The following EPB41L2 variants were observed in gnomAD, a reference collection of about 807,000 sequenced individuals.
EPB41L2 encodes the protein erythrocyte membrane protein band 4.1 like 2.
In EPB41L2, 43 loss-of-function variants were observed where a neutral mutation model predicts 113.0. That is an observed-to-expected ratio of 0.38 (90% CI 0.30 to 0.49). The LOEUF is 0.49. Among genes scored for constraint, EPB41L2 ranks in the 20% least tolerant of loss-of-function variants. EPB41L2 has a pLI of 0.95. For synonymous variants in EPB41L2, 442 were observed against 436.7 expected, an observed-to-expected ratio of 1.01 and a Z score of -0.15; for missense variants, 1,147 against 1,223.4, an observed-to-expected ratio of 0.94 and a Z score of 0.93.
intron 1 of EPB41L2, among the ~76,000 whole-genome samples, chr6:130,964,344 G>C (rs557798485): frequency 6.6e-6 from 1 of 152,112 alleles, no homozygotes; most frequent in Non-Finnish European, 1.5e-5. Flanking sequence ...CTTTCTGTGA[G>C]AAGTTACCTA....
At chr6:130,924,061 T>C (rs1316274730) in intron 4 of EPB41L2, among the ~76,000 whole-genome samples, 1 of 152,206 alleles carries the variant, frequency 6.6e-6, no homozygotes, top group Non-Finnish European at 1.5e-5. Flanking sequence ...CTCATATAAG[T>C]GGAATCCTAT....
chr6:130,955,048 T>A, intron 3 of EPB41L2, 57 bp downstream of exon 3: 1 of 1,485,638 alleles, frequency 6.7e-7, no homozygotes, highest in East Asian at 2.3e-5. Context: ...AATCTATTCA[T>A]CATGCCATGC....
chr6:130,927,249 C>T (rs974457968), intron 3 of EPB41L2, among the ~76,000 whole-genome samples: 61 of 152,076 alleles, frequency 4.0e-4, no homozygotes, highest in Middle Eastern at 3.4e-3. Flanking sequence ...GTGTTCGCTC[C>T]TTGGGATAAA....
intron 14 of EPB41L2, among the ~76,000 whole-genome samples, chr6:130,876,226 A>G (rs1787522734): frequency 6.6e-6 from 1 of 152,204 alleles, no homozygotes; most frequent in South Asian, 2.1e-4. Context: ...GCTATGGTGC[A>G]TCAAAATCTT....
chr6:130,960,172 T>A, intron 1 of EPB41L2, among the ~76,000 whole-genome samples: 1 of 152,124 alleles, frequency 6.6e-6, no homozygotes, highest in East Asian at 1.9e-4. Flanking sequence ...ATACCTTCCC[T>A]CACACACACT....
intron 19 of EPB41L2, among the ~76,000 whole-genome samples, chr6:130,856,615 C>T (rs1219938291): frequency 6.6e-6 from 1 of 152,228 alleles, no homozygotes; most frequent in East Asian, 1.9e-4. Flanking sequence ...GATGCAACAG[C>T]AGGTGGCTGT....
At chr6:130,893,282 T>C (rs1349831716) in intron 10 of EPB41L2, among the ~76,000 whole-genome samples, 1 of 151,918 alleles carries the variant, frequency 6.6e-6, no homozygotes, top group East Asian at 1.9e-4. Context: ...AGGCACAAAA[T>C]GAGGGATCAA....
At chr6:131,012,684 TAAAGC>T (rs1261360497) in intron 1 of EPB41L2, among the ~76,000 whole-genome samples, 1 of 151,832 alleles carries the variant, frequency 6.6e-6, no homozygotes, top group Admixed American at 6.6e-5. Flanking sequence ...TCCAACAAAG[TAAAGC>T]AAAGCAAAGT....
chr6:131,035,247 T>C (rs1391883230), intron 1 of EPB41L2, among the ~76,000 whole-genome samples: 1 of 152,190 alleles, frequency 6.6e-6, no homozygotes, highest in East Asian at 1.9e-4. Context: ...GCAATGACAA[T>C]GGCAACTGAG....
chr6:131,026,642 T>C (rs999990242), intron 1 of EPB41L2, among the ~76,000 whole-genome samples: 1 of 152,206 alleles, frequency 6.6e-6, no homozygotes, highest in Non-Finnish European at 1.5e-5. Flanking sequence ...CCATCTTTCC[T>C]GGTATACACC....
chr6:130,934,250 A>C (rs1419122488), intron 3 of EPB41L2, among the ~76,000 whole-genome samples: 1 of 152,210 alleles, frequency 6.6e-6, no homozygotes, highest in Non-Finnish European at 1.5e-5. Flanking sequence ...CCCCAGGAAA[A>C]AGAAACCCTG....
intron 1 of EPB41L2, among the ~76,000 whole-genome samples, chr6:131,006,651 G>A (rs1785615168): frequency 6.9e-6 from 1 of 144,706 alleles, no homozygotes; most frequent in Non-Finnish European, 1.5e-5. Context: ...CTGGGTGACG[G>A]ACTGAGACTC....
intron 19 of EPB41L2, among the ~76,000 whole-genome samples, chr6:130,842,855 T>C (rs1775939612): frequency 6.6e-6 from 1 of 152,226 alleles, no homozygotes; most frequent in African/African-American, 2.4e-5. Context: ...CAAAATGTAA[T>C]TTATTTCCAT....
chr6:131,017,697 T>C (rs983263094), intron 1 of EPB41L2, among the ~76,000 whole-genome samples: 4 of 152,218 alleles, frequency 2.6e-5, no homozygotes, highest in African/African-American at 7.2e-5. Context: ...CAAGAGTTCA[T>C]ACCTAGTGCA....
chr6:130,904,851 T>C (rs1456979593), intron 5 of EPB41L2, among the ~76,000 whole-genome samples: 1 of 151,934 alleles, frequency 6.6e-6, no homozygotes, highest in Non-Finnish European at 1.5e-5. Context: ...ATAACCTCCA[T>C]GTAATAGTTC....
At chr6:130,933,518 T>G (rs1194464369) in intron 3 of EPB41L2, among the ~76,000 whole-genome samples, 3 of 152,014 alleles carry the variant, frequency 2.0e-5, no homozygotes, top group Non-Finnish European at 4.4e-5. Flanking sequence ...AAAAAGCCCT[T>G]TGGTCTACTT....
At chr6:130,884,178 A>G (rs1248815215) in intron 12 of EPB41L2, among the ~76,000 whole-genome samples, 1 of 152,054 alleles carries the variant, frequency 6.6e-6, no homozygotes, top group African/African-American at 2.4e-5. Context: ...CTCTAAAAAT[A>G]CAAAATTAGC....
Position 130,901,330 on chromosome 6 carries a change from A to G in EPB41L2, c.930-150T>C. ...ACAGCAAAAATCATCTTCTCTAATA[A>G]AAAGCCTCAACTTGCTCCTTGGGCT... is the stretch of plus-strand genomic sequence containing the variant. On this transcript the variant is annotated intron_variant, in intron 6 of 19. Transcript: ENST00000337057. 4.5e-6 allele frequency: 3 copies of G among 663,162 alleles called. 1 individual carries two copies. The South Asian group carries it at 6.3e-5, about 14-fold the overall frequency. 41.1% of individuals were successfully genotyped at this position (663,162 alleles called of 1,614,324 possible). A position where few individuals can be genotyped will look rare whatever the true frequency, so the allele number is the denominator to read the frequency against.
At chr6:130,919,928 T>G (rs1471931157) in intron 4 of EPB41L2, among the ~76,000 whole-genome samples, 1 of 152,200 alleles carries the variant, frequency 6.6e-6, no homozygotes, top group Non-Finnish European at 1.5e-5. Flanking sequence ...GCAAATGCTT[T>G]TACCCTCTAT....
Sources: gnomAD v4.1 joint callset for allele counts (sites outside exome capture counted in the v4.1 genomes callset) on GRCh38, gnomAD v4.1.1 for gene constraint, MANE v1.5 for transcripts, NCBI Gene and HGNC (gene_info 2026-07-23, HGNC 2026-07-21) for gene names.